BBX: variants seen among roughly 807,000 people sequenced by gnomAD.
BBX encodes BBX high mobility group box domain containing.
Under a neutral mutation model 100.2 loss-of-function variants are expected in BBX, and 30 were observed. That is an observed-to-expected ratio of 0.30 (90% CI 0.22 to 0.41). BBX has a LOEUF of 0.41. Ranked by LOEUF, BBX falls within the 10% of genes least tolerant of loss-of-function variation. BBX has a pLI of 1.00. For synonymous variants in BBX, 376 were observed against 388.1 expected, an observed-to-expected ratio of 0.97 and a Z score of 0.37; for missense variants, 1,023 against 1,129.8, an observed-to-expected ratio of 0.91 and a Z score of 1.35.
chr3:107,706,672 A>C (rs949227190), intron 3 of BBX, among the ~76,000 whole-genome samples: 1 of 152,236 alleles, frequency 6.6e-6, no homozygotes, highest in South Asian at 2.1e-4. Flanking sequence ...CATTTACTGC[A>C]TAGAGGTTAT....
At chr3:107,662,369 T>C (rs1442240445) in intron 3 of BBX, among the ~76,000 whole-genome samples, 2 of 152,082 alleles carry the variant, frequency 1.3e-5, no homozygotes, top group Non-Finnish European at 2.9e-5. Context: ...GAAATGAAAG[T>C]GCTAAGTTTC....
At chr3:107,670,203 C>T (rs1246476070) in intron 3 of BBX, among the ~76,000 whole-genome samples, 2 of 151,972 alleles carry the variant, frequency 1.3e-5, no homozygotes, top group African/African-American at 4.8e-5. Flanking sequence ...ATTAATGTAT[C>T]AACTTAAAAC....
At chr3:107,610,655 A>G (rs1397776648) in intron 2 of BBX, among the ~76,000 whole-genome samples, 1 of 152,034 alleles carries the variant, frequency 6.6e-6, no homozygotes. Flanking sequence ...TGATATAGGT[A>G]TAGCCACTCC....
intron 3 of BBX, among the ~76,000 whole-genome samples, chr3:107,689,067 G>C (rs1327728292): frequency 6.6e-6 from 1 of 152,132 alleles, no homozygotes; most frequent in Non-Finnish European, 1.5e-5. Context: ...CTAGAATCAG[G>C]GCGATCAAGT....
intron 2 of BBX, among the ~76,000 whole-genome samples, chr3:107,559,963 CG>C (rs1308721077): frequency 6.6e-6 from 1 of 152,010 alleles, no homozygotes; most frequent in Non-Finnish European, 1.5e-5. Context: ...AGGCTGGTCT[CG>C]AACTTCTGGG....
intron 5 of BBX, among the ~76,000 whole-genome samples, chr3:107,718,121 T>C (rs927693083): frequency 2.0e-5 from 3 of 150,610 alleles, no homozygotes; most frequent in African/African-American, 7.3e-5. Flanking sequence ...TCATGGAAAT[T>C]TGAATCTAAA....
At chr3:107,676,328 T>G (rs1320863733) in intron 3 of BBX, among the ~76,000 whole-genome samples, 4 of 152,186 alleles carry the variant, frequency 2.6e-5, no homozygotes, top group Non-Finnish European at 5.9e-5. Context: ...CTACATTAAT[T>G]GGTTTCATTA....
intron 2 of BBX, among the ~76,000 whole-genome samples, chr3:107,559,942 C>G (rs1356843536): frequency 6.6e-6 from 1 of 152,024 alleles, no homozygotes; most frequent in Non-Finnish European, 1.5e-5. Context: ...CGAGGTTTTG[C>G]CATGTTTCCC....
chr3:107,560,098 C>T (rs929549421), intron 2 of BBX, among the ~76,000 whole-genome samples: 5 of 151,962 alleles, frequency 3.3e-5, no homozygotes, highest in African/African-American at 9.7e-5. Flanking sequence ...CTCGTCGACT[C>T]ACATGCCCTC....
chr3:107,578,733 C>T (rs1179896896), intron 2 of BBX, among the ~76,000 whole-genome samples: 1 of 152,116 alleles, frequency 6.6e-6, no homozygotes, highest in African/African-American at 2.4e-5. Flanking sequence ...GAGGTGCCTC[C>T]TCCCTTGAAG....
chr3:107,778,480 A>C lies in BBX; in HGVS notation c.2164A>C (p.Thr722Pro), dbSNP rs988687551. 1.9e-6 allele frequency: 3 copies of C among 1,613,158 alleles called. No homozygotes were observed. Among genetic ancestry groups the C allele is most frequent in the Non-Finnish European group, 2.5e-6 (3 of 1,179,462 alleles). Residue 722 changes from threonine (T) to proline (P), a missense_variant, in exon 13 of 18, where the codon ACT becomes CCT. Transcript: ENST00000325805. ...CVPVPRKKKK[T>P]GNVSSEPTKT... ...ACCTGTCCCAAGAAAAAAGAAGAAG[A>C]CTGGAAATGTGTCCTCAGAACCGAC... is the stretch of plus-strand genomic sequence containing the variant.
intron 3 of BBX, among the ~76,000 whole-genome samples, chr3:107,692,302 G>C (rs909627335): frequency 9.2e-5 from 14 of 151,696 alleles, no homozygotes; most frequent in Non-Finnish European, 1.8e-4. Context: ...CTACTAACTC[G>C]TCATCTAGCA....
intron 3 of BBX, among the ~76,000 whole-genome samples, chr3:107,666,676 A>G (rs978502194): frequency 1.3e-5 from 2 of 152,076 alleles, no homozygotes; most frequent in Admixed American, 1.3e-4. Flanking sequence ...GATTCAAGCA[A>G]TTCTCCTGCC....
At chr3:107,763,721 C>T (rs1402697265) in intron 10 of BBX, among the ~76,000 whole-genome samples, 1 of 152,154 alleles carries the variant, frequency 6.6e-6, no homozygotes, top group Non-Finnish European at 1.5e-5. Context: ...CATGGTCTAA[C>T]ATGCACATCC....
chr3:107,781,134 T>C (rs1451088795), intron 13 of BBX, among the ~76,000 whole-genome samples: 1 of 152,078 alleles, frequency 6.6e-6, no homozygotes, highest in African/African-American at 2.4e-5. Context: ...ATGTATGCAT[T>C]TATATAGTTG....
At chr3:107,568,466 G>A (rs966840086) in intron 2 of BBX, among the ~76,000 whole-genome samples, 5 of 151,854 alleles carry the variant, frequency 3.3e-5, no homozygotes, top group African/African-American at 4.8e-5. Flanking sequence ...GGGTTTCACC[G>A]TGTTAGCCAG....
chr3:107,795,557 T>C (rs981340753), intron 15 of BBX, among the ~76,000 whole-genome samples: 8 of 151,768 alleles, frequency 5.3e-5, no homozygotes, highest in African/African-American at 1.7e-4. Flanking sequence ...AGAGGAGACC[T>C]CTGGTTAATT....
At chr3:107,608,834 T>A (rs775887090) in intron 2 of BBX, among the ~76,000 whole-genome samples, 8 of 152,176 alleles carry the variant, frequency 5.3e-5, no homozygotes, top group Non-Finnish European at 1.2e-4. Context: ...TATTATAAAT[T>A]GGATTACTTT....
chr3:107,803,776 C>A (rs970162388), intron 17 of BBX, among the ~76,000 whole-genome samples: 1 of 152,156 alleles, frequency 6.6e-6, no homozygotes, highest in Non-Finnish European at 1.5e-5. Context: ...CAGAGAAAAT[C>A]ATGAAGAATC....
Sources: gnomAD v4.1 joint callset for allele counts (sites outside exome capture counted in the v4.1 genomes callset) on GRCh38, gnomAD v4.1.1 for gene constraint, MANE v1.5 for transcripts, NCBI Gene and HGNC (gene_info 2026-07-23, HGNC 2026-07-21) for gene names.